Variants in TTC17 observed in about 807,000 individuals in gnomAD.
TTC17 encodes tetratricopeptide repeat domain 17.
In TTC17, 58 loss-of-function variants were observed where a neutral mutation model predicts 143.8. That is an observed-to-expected ratio of 0.40 (90% CI 0.33 to 0.50). TTC17 has a LOEUF of 0.50. Among genes scored for constraint, TTC17 ranks in the 20% least tolerant of loss-of-function variants. The probability of loss-of-function intolerance (pLI) is 0.49; values close to 1 mark genes in which losing one functional copy is unlikely to be tolerated. For synonymous variants in TTC17, 501 were observed against 497.8 expected (o/e 1.01, Z -0.09); for missense variants, 1,273 against 1,392.5 (o/e 0.91, Z 1.37).
intron 4 of TTC17, 89 bp downstream of exon 4, chr11:43,391,665 TCTCTC>T (rs1317924725): frequency 1.6e-6 from 2 of 1,266,074 alleles, no homozygotes; most frequent in African/African-American, 3.1e-5. Context: ...TTCTCTTTCT[TCTCTC>T]CTTCCTGACA....
intron 3 of TTC17, among the ~76,000 whole-genome samples, chr11:43,390,796 G>T (rs1857355726): frequency 6.6e-6 from 1 of 152,022 alleles, no homozygotes; most frequent in Non-Finnish European, 1.5e-5. Flanking sequence ...AAAACATTTA[G>T]ATAGTTTTCA....
In TTC17 at chr11:43,397,384, G is replaced by A. The variant is rs771415970; in HGVS notation, c.811G>A (p.Val271Ile). The change falls in exon 7 of 24, where the codon GTT becomes ATT. Residue 271 changes from valine (V) to isoleucine (I), a missense_variant. Physicochemically the swap from Val to Ile is conservative, Grantham distance 29. Transcript: ENST00000039989. ...CATTGCCCTGGTCAACCTGGCAAACGTTCTACACAGAGCACACTTCTCTGC... is the reference window on the plus strand; with the variant it reads ...CATTGCCCTGGTCAACCTGGCAAACATTCTACACAGAGCACACTTCTCTGC... ...KDIALVNLAN[V>I]LHRAHFSADA... The A allele has an allele frequency of 2.4e-5, 38 of 1,612,378 alleles. No individual in the cohort carries two copies. Among genetic ancestry groups the A allele is most frequent in the Middle Eastern group, 1.6e-4 (1 of 6,084 alleles).
chr11:43,398,182 A>T, intron 8 of TTC17, 69 bp downstream of exon 8: 1 of 1,558,594 alleles, frequency 6.4e-7, no homozygotes. Flanking sequence ...TGTGTAGGGG[A>T]TATCAGTGTT....
intron 21 of TTC17, among the ~76,000 whole-genome samples, chr11:43,470,394 A>G (rs1204422257): frequency 6.6e-6 from 1 of 152,220 alleles, no homozygotes; most frequent in Non-Finnish European, 1.5e-5. Context: ...CTAAGTTCCA[A>G]TAAAGAATCA....
At chr11:43,372,248 T>A (rs1364215479) in intron 1 of TTC17, among the ~76,000 whole-genome samples, 1 of 151,624 alleles carries the variant, frequency 6.6e-6, no homozygotes, top group African/African-American at 2.4e-5. Context: ...TCCTTTAACC[T>A]AACGGTTTTC....
At chr11:43,370,273 T>G (rs1856512643) in intron 1 of TTC17, 1 of 296,194 alleles carries the variant, frequency 3.4e-6, no homozygotes, top group African/African-American at 2.2e-5. Flanking sequence ...GAAACTCATC[T>G]TGCTTGCTAC....
At chr11:43,398,154 C>T (rs762135168) in intron 8 of TTC17, 41 bp downstream of exon 8, 7 of 1,608,600 alleles carry the variant, frequency 4.4e-6, no homozygotes, top group South Asian at 2.2e-5. Context: ...TTAGCACTAT[C>T]GAACCTTAGG....
chr11:43,367,714 C>CTG (rs3083209), intron 1 of TTC17, among the ~76,000 whole-genome samples: 7,576 of 147,134 alleles, frequency 0.051, 208 homozygotes, highest in South Asian at 0.11. Context: ...AGGGGAATGT[C>CTG]TGTGTGTGTG....
chr11:43,439,314 A>C (rs979322708), intron 16 of TTC17, among the ~76,000 whole-genome samples: 7 of 152,128 alleles, frequency 4.6e-5, no homozygotes, highest in African/African-American at 1.7e-4. Flanking sequence ...ACTTTTGCCA[A>C]GTATATTTTC....
intron 16 of TTC17, among the ~76,000 whole-genome samples, chr11:43,420,080 A>G (rs1385347668): frequency 6.6e-6 from 1 of 152,220 alleles, no homozygotes; most frequent in Non-Finnish European, 1.5e-5. Flanking sequence ...TTTAACATGT[A>G]TCTTTAACAT....
At chr11:43,388,420 A>G (rs1857249097) in intron 2 of TTC17, among the ~76,000 whole-genome samples, 1 of 152,048 alleles carries the variant, frequency 6.6e-6, no homozygotes, top group African/African-American at 2.4e-5. Flanking sequence ...GTAATGTAGT[A>G]TTTTATACAA....
At chr11:43,469,330 A>G (rs541743829) in intron 21 of TTC17, among the ~76,000 whole-genome samples, 1 of 152,288 alleles carries the variant, frequency 6.6e-6, no homozygotes, top group East Asian at 1.9e-4. Flanking sequence ...AAAGAGTTAC[A>G]TATATATACA....
chr11:43,411,100 T>A (rs1858391858), intron 15 of TTC17, among the ~76,000 whole-genome samples: 1 of 152,218 alleles, frequency 6.6e-6, no homozygotes, highest in African/African-American at 2.4e-5. Context: ...TCAAAATCCC[T>A]GTAGTGGCTC....
At chr11:43,441,489 A>T (rs1009340801) in intron 16 of TTC17, among the ~76,000 whole-genome samples, 2 of 151,952 alleles carry the variant, frequency 1.3e-5, no homozygotes, top group African/African-American at 4.8e-5. Flanking sequence ...ATTATATTTC[A>T]TTTCTTAAGG....
intron 11 of TTC17, 32 bp from the exon 12 acceptor site, chr11:43,405,482 G>GC: frequency 1.3e-6 from 2 of 1,542,810 alleles, no homozygotes; most frequent in Non-Finnish European, 1.8e-6. Flanking sequence ...TGAATCCAAA[G>GC]AAATTTATGA....
intron 15 of TTC17, among the ~76,000 whole-genome samples, chr11:43,408,878 A>G (rs1378042421): frequency 6.6e-6 from 1 of 152,048 alleles, no homozygotes; most frequent in Non-Finnish European, 1.5e-5. Context: ...AGTAGCTGGG[A>G]CTACAGGCAT....
Position 43,451,186 on chromosome 11 carries a change from T to A in TTC17, c.2951T>A (p.Leu984Ter). The change falls in exon 21 of 24, where the codon TTA (leucine) becomes TAA (stop). Residue 984 changes from leucine (L) to a stop codon, truncating the protein, a stop_gained. Transcript: ENST00000039989. LOFTEE classifies it high-confidence loss of function. ...YTGESQLTEV[L>*]QNLGKDQYPQ... ...TACTATCTTCCTTCCTTCCAGGTAT[T>A]ACAAAATCTCGGCAAAGACCAATAT... 6.2e-7 allele frequency: 1 copy of A among 1,613,378 alleles called. No individual in the cohort carries two copies. Among genetic ancestry groups the A allele is most frequent in the Non-Finnish European group, 8.5e-7 (1 of 1,179,418 alleles).
rs1263165362 is a variant in TTC17, at chr11:43,493,787, A to G, written c.3309A>G (p.Lys1103=). The G allele has an allele frequency of 6.2e-7, 1 of 1,614,086 alleles. No homozygotes were observed. The highest frequency in any genetic ancestry group is 1.1e-5 in the South Asian group (1 of 91,082). ...NVYVAMEEFE[K]ALVWYESTLK... is the part of the protein sequence containing the mutation. ...GGCCCTCACAGGAAGAATTTGAAAAAGCACTGGTGTGGTATGAATCCACAT... is the reference window on the plus strand; with the variant it reads ...GGCCCTCACAGGAAGAATTTGAAAAGGCACTGGTGTGGTATGAATCCACAT... The change falls in exon 24 of 24, where the codon AAA becomes AAG. Residue 1103 remains lysine, a synonymous_variant. Transcript: ENST00000039989.
intron 16 of TTC17, among the ~76,000 whole-genome samples, chr11:43,438,239 C>T (rs372132011): frequency 2.6e-5 from 4 of 152,296 alleles, no homozygotes; most frequent in African/African-American, 9.6e-5. Flanking sequence ...CTCACTGCAA[C>T]CTCCACTTCC....
Sources: gnomAD v4.1 joint callset for allele counts (sites outside exome capture counted in the v4.1 genomes callset) on GRCh38, gnomAD v4.1.1 for gene constraint, MANE v1.5 for transcripts, NCBI Gene and HGNC (gene_info 2026-07-23, HGNC 2026-07-21) for gene names.